Variants in KLHDC1 observed in about 807,000 individuals in gnomAD.
KLHDC1 encodes the protein kelch domain containing 1.
A neutral mutation model predicts 68.3 loss-of-function variants in KLHDC1; 53 were observed. The ratio of observed to expected loss-of-function variants is 0.78; its 90% confidence interval spans 0.62 to 0.98. KLHDC1 has a LOEUF of 0.98. KLHDC1 is among the 50% of genes least tolerant of loss of function. The pLI is 0.00. For missense variants in KLHDC1, 470 were observed against 492.3 expected (o/e 0.95, Z 0.43); for synonymous variants, 148 against 159.0 (o/e 0.93, Z 0.52).
At chr14:49,726,474 T>C (rs372102538) in intron 6 of KLHDC1, among the ~76,000 whole-genome samples, 2 of 152,336 alleles carry the variant, frequency 1.3e-5, no homozygotes. Context: ...GAAAAAAGTC[T>C]TTTAATGAGG....
rs1888284146 is a variant in KLHDC1, at chr14:49,713,825, TATATATATATATATATATA to T, written c.404+3445_404+3463del. On this transcript the variant is annotated intron_variant, in intron 4 of 12. Coordinates refer to ENST00000359332, the MANE Select transcript of KLHDC1 (RefSeq NM_172193.3). Reference sequence around the variant, plus strand: ...ATATATATATATATATATATATATATATATATATATATATATATATATATATTTTTTTTTTTTTTTTTCC... The same window carrying T: ...ATATATATATATATATATATATATATTATATATTTTTTTTTTTTTTTTTCC... Among the ~76,000 whole-genome samples the T allele has an allele frequency of 2.5e-3, 9 of 3,532 alleles. 1 individual carries two copies. Among genetic ancestry groups the T allele is most frequent in the East Asian group, 9.4e-3 (1 of 106 alleles). 2.3% of individuals were successfully genotyped at this position (3,532 alleles called of 152,430 possible).
intron 9 of KLHDC1, among the ~76,000 whole-genome samples, chr14:49,733,334 C>A (rs551894248): frequency 5.3e-5 from 8 of 152,172 alleles, no homozygotes; most frequent in African/African-American, 1.9e-4. Flanking sequence ...GTTTTTCTTT[C>A]AGCAGTAGAA....
chr14:49,725,788 C>A lies in KLHDC1; in HGVS notation c.567+19C>A, dbSNP rs1888656802. 9 of 1,268,428 alleles carry A rather than the reference C, an allele frequency of 7.1e-6. No homozygotes were observed. In the East Asian group the frequency reaches 1.4e-4, roughly 20 times the overall value. 78.6% of individuals were successfully genotyped at this position (1,268,428 alleles called of 1,614,324 possible). A position where few individuals can be genotyped will look rare whatever the true frequency, so the allele number is the denominator to read the frequency against. On this transcript the variant is annotated intron_variant, in intron 6 of 12. Transcript: ENST00000359332. ...AATTAAAGTAAGTGTGGTAAAAAGTCATCTTTATATATTTGTATTTAAAAA... is the reference window on the plus strand; with the variant it reads ...AATTAAAGTAAGTGTGGTAAAAAGTAATCTTTATATATTTGTATTTAAAAA...
chr14:49,698,966 C>T (rs568288821), intron 1 of KLHDC1, among the ~76,000 whole-genome samples: 6 of 151,646 alleles, frequency 4.0e-5, no homozygotes, highest in South Asian at 2.1e-4. Context: ...AGATCGAGAC[C>T]ATCCTGGCTA....
intron 5 of KLHDC1, among the ~76,000 whole-genome samples, chr14:49,725,387 C>T (rs2139753660): frequency 1.3e-5 from 2 of 152,426 alleles, no homozygotes; most frequent in Admixed American, 1.3e-4. Context: ...AACATCATTC[C>T]ACCCTCTGCA....
At chr14:49,729,372 C>T (rs1428784245) in intron 7 of KLHDC1, 118 bp from the exon 8 acceptor site, 11 of 699,484 alleles carry the variant, frequency 1.6e-5, no homozygotes, top group African/African-American at 3.6e-5. Flanking sequence ...AATAGTTAAA[C>T]ATCTTATGTG....
rs1210320706 is a variant in KLHDC1 at position 49,693,171 on chromosome 14, A to G, written c.-24A>G. 5.1e-6 allele frequency: 8 copies of G among 1,571,316 alleles called. No individual in the cohort carries two copies. Among genetic ancestry groups the G allele is most frequent in the East Asian group, 2.6e-5 (1 of 39,130 alleles). ...GGCGGGCAGGGGTTGTGGCGCGGCA[A>G]GCGGCGGGCCAGCGACGGCGCGAAT... is the stretch of plus-strand genomic sequence containing the variant. On this transcript the variant is annotated 5_prime_UTR_variant, in exon 1 of 13. Transcript: ENST00000359332.
At chr14:49,723,110 AAAAAG>A (rs1405493390) in intron 4 of KLHDC1, among the ~76,000 whole-genome samples, 4 of 149,968 alleles carry the variant, frequency 2.7e-5, no homozygotes, top group African/African-American at 9.8e-5. Context: ...AAAAAAAAAA[AAAAAG>A]AAGAGAAAAC....
chr14:49,693,488 T>A (rs1887632095), intron 1 of KLHDC1, among the ~76,000 whole-genome samples, 198 bp downstream of exon 1: 1 of 151,810 alleles, frequency 6.6e-6, no homozygotes, highest in Non-Finnish European at 1.5e-5. Context: ...TTGCTTCTTC[T>A]ATTAAAGCCT....
intron 6 of KLHDC1, among the ~76,000 whole-genome samples, chr14:49,726,415 A>G (rs1888672399): frequency 6.6e-6 from 1 of 152,170 alleles, no homozygotes; most frequent in South Asian, 2.1e-4. Context: ...AAATAAACAA[A>G]TAAAACAAAA....
At chr14:49,714,641 G>A (rs1888321431) in intron 4 of KLHDC1, among the ~76,000 whole-genome samples, 1 of 151,840 alleles carries the variant, frequency 6.6e-6, no homozygotes. Flanking sequence ...ACCCAGGTGT[G>A]GTGGCATGCT....
At chr14:49,739,632 A>C (rs1411678196) in intron 10 of KLHDC1, among the ~76,000 whole-genome samples, 2 of 152,170 alleles carry the variant, frequency 1.3e-5, no homozygotes, top group Non-Finnish European at 2.9e-5. Flanking sequence ...GTAATAAGAA[A>C]ACTGGGGAAA....
At chr14:49,703,423 A>G (rs1055403108) in intron 1 of KLHDC1, among the ~76,000 whole-genome samples, 6 of 149,230 alleles carry the variant, frequency 4.0e-5, no homozygotes, top group African/African-American at 1.5e-4. Flanking sequence ...GCTCACTGCA[A>G]CCTCCGCCTC....
intron 4 of KLHDC1, among the ~76,000 whole-genome samples, chr14:49,716,874 T>C (rs1756584177): frequency 1.3e-5 from 2 of 152,134 alleles, no homozygotes; most frequent in South Asian, 2.1e-4. Flanking sequence ...ATCTCCCCAT[T>C]CTCCCTTCTT....
At chr14:49,729,450 G>GATGTGAA (rs778739524) in intron 7 of KLHDC1, 40 bp from the exon 8 acceptor site, 71 of 1,374,622 alleles carry the variant, frequency 5.2e-5, no homozygotes, top group Non-Finnish European at 6.6e-5. Context: ...GCTGATAAAA[G>GATGTGAA]ATGTGAAATA....
At chr14:49,728,820 G>A in intron 6 of KLHDC1, 106 bp from the exon 7 acceptor site, 1 of 794,306 alleles carries the variant, frequency 1.3e-6, no homozygotes, top group Non-Finnish European at 2.2e-6. Flanking sequence ...GAATTACATA[G>A]GTAATGATAA....
intron 1 of KLHDC1, among the ~76,000 whole-genome samples, chr14:49,694,840 C>T (rs1460412835): frequency 6.6e-6 from 1 of 152,124 alleles, no homozygotes; most frequent in Non-Finnish European, 1.5e-5. Flanking sequence ...GGCGACAGAG[C>T]GAGACTCCGT....
chr14:49,734,320 T>G (rs1594676848), intron 9 of KLHDC1, among the ~76,000 whole-genome samples: 1 of 152,128 alleles, frequency 6.6e-6, no homozygotes, highest in African/African-American at 2.4e-5. Flanking sequence ...TGATGTGAGA[T>G]CTAGGATTTC....
intron 10 of KLHDC1, among the ~76,000 whole-genome samples, chr14:49,737,864 CAAAA>C (rs760826908): frequency 8.0e-5 from 4 of 50,268 alleles, no homozygotes; most frequent in East Asian, 1.1e-3. Context: ...GATCCTGTCT[CAAAA>C]AAAAAAAAAA....
Sources: allele counts gnomAD v4.1 joint callset (sites outside exome capture counted in the v4.1 genomes callset), GRCh38; gene constraint gnomAD v4.1.1; transcripts MANE v1.5; gene names NCBI Gene and HGNC (gene_info 2026-07-23, HGNC 2026-07-21).